OTP: variants seen among roughly 807,000 people sequenced by gnomAD.
OTP encodes the protein homeobox protein orthopedia.
Under a neutral mutation model 22.3 loss-of-function variants are expected in OTP, and 5 were observed. That is an observed-to-expected ratio of 0.22 (90% CI 0.12 to 0.47). OTP has a LOEUF of 0.47. OTP is among the 20% of genes least tolerant of loss of function. The pLI, the probability that OTP is intolerant of heterozygous loss-of-function variation, is 0.99. For missense variants in OTP, 428 were observed against 456.2 expected (o/e 0.94, Z 0.56); for synonymous variants, 229 against 210.6 (o/e 1.09, Z -0.76).
intron 2 of OTP, among the ~76,000 whole-genome samples, chr5:77,631,120 T>A (rs1214037942): frequency 2.6e-5 from 4 of 152,240 alleles, no homozygotes; most frequent in African/African-American, 9.6e-5. Context: ...CTGCACAGAT[T>A]CACAGGTCTG....
chr5:77,630,074 G>T lies in OTP; in HGVS notation c.*190C>A. ...CCGCGGGCGATCGAAATCAGGCGGA[G>T]GGGAGGCCTCGCGGGCTGGGGCTTG... On this transcript the variant is annotated 3_prime_UTR_variant, in exon 3 of 3. Coordinates refer to ENST00000306422, the MANE Select transcript of OTP (RefSeq NM_032109.3). 3.4e-6 allele frequency: 1 copy of T among 294,172 alleles called. No homozygotes were observed. The allele number at this position is 294,172 out of a possible 1,614,324, so 18.2% of individuals were successfully genotyped here. A position where few individuals can be genotyped will look rare whatever the true frequency, so the allele number is the denominator to read the frequency against.
intron 2 of OTP, 142 bp downstream of exon 2, chr5:77,636,679 A>C: frequency 4.0e-6 from 3 of 757,854 alleles, no homozygotes; most frequent in South Asian, 1.9e-5. Context: ...CGGGTAGAGA[A>C]GGAGATAACT....
rs1226211547 is a variant in OTP at position 77,637,000 on chromosome 5, G to A, written c.268C>T (p.Pro90Ser). The A allele has an allele frequency of 2.5e-5, 40 of 1,613,380 alleles. No homozygotes were observed. Among genetic ancestry groups the A allele is most frequent in the Non-Finnish European group, 3.4e-5 (40 of 1,179,842 alleles). The change falls in exon 2 of 3, where the codon CCG becomes TCG. Residue 90 changes from proline to serine, a missense_variant. Transcript: ENST00000306422. Reference protein sequence around the residue: ...PDKQPGPQGGPNPSQAGQQQG... With the variant: ...PDKQPGPQGGSNPSQAGQQQG... ...TGCTGGCCGGCTTGGCTGGGGTTCG[G>A]GCCGCCCTGGGGCCCGGGCTGCTTG... is the stretch of plus-strand genomic sequence containing the variant.
At chr5:77,632,463 C>T (rs533758539) in intron 2 of OTP, among the ~76,000 whole-genome samples, 2 of 152,040 alleles carry the variant, frequency 1.3e-5, no homozygotes, top group African/African-American at 2.4e-5. Flanking sequence ...GTTGTGCATC[C>T]GTTAATCTAA....
At chr5:77,637,886 C>G (rs1029520106) in intron 1 of OTP, among the ~76,000 whole-genome samples, 1 of 152,114 alleles carries the variant, frequency 6.6e-6, no homozygotes, top group Non-Finnish European at 1.5e-5. Flanking sequence ...TATGGACAAC[C>G]GTGAATCAAA....
intron 1 of OTP, among the ~76,000 whole-genome samples, chr5:77,638,249 GAA>G (rs34059045): frequency 1.1e-5 from 1 of 92,552 alleles, no homozygotes. Context: ...ATCGCCTTTC[GAA>G]AAAAAAAAAA....
intron 2 of OTP, 34 bp from the exon 3 acceptor site, chr5:77,630,828 C>T (rs956228764): frequency 2.0e-6 from 3 of 1,494,250 alleles, no homozygotes; most frequent in Non-Finnish European, 2.6e-6. Flanking sequence ...AGACAGGGAG[C>T]TATTAGCCGG....
chr5:77,636,941 C>A lies in OTP; in HGVS notation c.327G>T (p.Thr109=). Residue 109 remains threonine (T), a synonymous_variant, in exon 2 of 3, where the codon ACG becomes ACT. Coordinates refer to ENST00000306422, the MANE Select transcript of OTP (RefSeq NM_032109.3). ...CGTTGAGCTGTGCGGGGGTGAAGCGCGTCCGGTGGCGCTTCTGCTTCTGTT... is the reference window on the plus strand; with the variant it reads ...CGTTGAGCTGTGCGGGGGTGAAGCGAGTCCGGTGGCGCTTCTGCTTCTGTT... ...QGQQKQKRHR[T]RFTPAQLNEL... is the part of the protein sequence containing the mutation. The A allele has an allele frequency of 1.2e-6, 2 of 1,614,146 alleles. No individual in the cohort carries two copies. Among genetic ancestry groups the A allele is most frequent in the Non-Finnish European group, 8.5e-7 (1 of 1,179,998 alleles).
chr5:77,631,645 G>A (rs747740741), intron 2 of OTP, among the ~76,000 whole-genome samples: 2 of 131,846 alleles, frequency 1.5e-5, no homozygotes, highest in African/African-American at 2.8e-5. Context: ...TGCAACCTCC[G>A]CTTCCCGGGT....
chr5:77,633,831 T>C (rs1744965318), intron 2 of OTP, among the ~76,000 whole-genome samples: 1 of 152,118 alleles, frequency 6.6e-6, no homozygotes. Context: ...ATCCAGCAAA[T>C]GATTAATGTG....
rs77085413 is a variant in OTP at position 77,637,876 on chromosome 5, T to C, written c.37+637A>G. Among the ~76,000 whole-genome samples, 845 of 152,288 alleles carry C rather than the reference T, an allele frequency of 5.5e-3. 3 individuals are homozygous for C. The highest frequency in any genetic ancestry group is 0.022 in the South Asian group (107 of 4,818). On this transcript the variant is annotated intron_variant, in intron 1 of 2. Coordinates refer to ENST00000306422, the MANE Select transcript of OTP (RefSeq NM_032109.3). Reference sequence around the variant, plus strand: ...GCATTAAGGAAACTCGAGTGAACTCTATGGACAACCGTGAATCAAACTTTA... The same window carrying C: ...GCATTAAGGAAACTCGAGTGAACTCCATGGACAACCGTGAATCAAACTTTA...
chr5:77,637,922 C>T (rs1009331419), intron 1 of OTP, among the ~76,000 whole-genome samples: 1 of 152,122 alleles, frequency 6.6e-6, no homozygotes, highest in Non-Finnish European at 1.5e-5. Flanking sequence ...CTTTTCTTTC[C>T]AGAGAAATAA....
intron 2 of OTP, among the ~76,000 whole-genome samples, chr5:77,631,814 C>T (rs1264377628): frequency 3.3e-5 from 5 of 151,942 alleles, no homozygotes; most frequent in Non-Finnish European, 7.4e-5. Flanking sequence ...CCACCCGCCT[C>T]GGCCTCCCAA....
At chr5:77,631,634 C>T (rs1208754878) in intron 2 of OTP, among the ~76,000 whole-genome samples, 3 of 145,278 alleles carry the variant, frequency 2.1e-5, no homozygotes, top group African/African-American at 7.7e-5. Flanking sequence ...TCTCGGCTCA[C>T]TGCAACCTCC....
intron 2 of OTP, among the ~76,000 whole-genome samples, chr5:77,635,319 C>G (rs1181777624): frequency 6.6e-6 from 1 of 152,102 alleles, no homozygotes; most frequent in Non-Finnish European, 1.5e-5. Context: ...TTAAACTCAA[C>G]TTCAGATATT....
intron 2 of OTP, among the ~76,000 whole-genome samples, chr5:77,634,048 T>C (rs1282950609): frequency 6.6e-6 from 1 of 152,210 alleles, no homozygotes; most frequent in Non-Finnish European, 1.5e-5. Flanking sequence ...AGGGCCATTC[T>C]GGGGGACACG....
At chr5:77,631,477 C>T (rs1744928189) in intron 2 of OTP, among the ~76,000 whole-genome samples, 2 of 151,990 alleles carry the variant, frequency 1.3e-5, no homozygotes, top group African/African-American at 2.4e-5. Flanking sequence ...CATTCCCAAA[C>T]CACTCTATGG....
intron 1 of OTP, among the ~76,000 whole-genome samples, chr5:77,637,483 A>C (rs1745028543): frequency 6.6e-6 from 1 of 152,142 alleles, no homozygotes; most frequent in East Asian, 1.9e-4. Flanking sequence ...TCTCTCCCAC[A>C]ATAAAACACT....
chr5:77,633,368 G>A (rs776168902), intron 2 of OTP, among the ~76,000 whole-genome samples: 3 of 152,092 alleles, frequency 2.0e-5, no homozygotes, highest in African/African-American at 4.8e-5. Flanking sequence ...TACTGGGATT[G>A]GGAAAAAAAA....
Sources: allele counts gnomAD v4.1 joint callset (sites outside exome capture counted in the v4.1 genomes callset), GRCh38; gene constraint gnomAD v4.1.1; transcripts MANE v1.5; gene names NCBI Gene and HGNC (gene_info 2026-07-23, HGNC 2026-07-21).